Variants in DMD observed in about 807,000 individuals in gnomAD.
DMD encodes the protein mutant dystrophin.
In DMD, 63 loss-of-function variants were observed where a neutral mutation model predicts 330.1. The ratio of observed to expected loss-of-function variants is 0.19; its 90% CI spans 0.16 to 0.24. The LOEUF (loss-of-function observed/expected upper bound fraction) is 0.24. DMD is among the 10% of genes least tolerant of loss of function. The probability of loss-of-function intolerance (pLI) is 1.00; values close to 1 mark genes in which losing one functional copy is unlikely to be tolerated. For synonymous variants in DMD, 1,223 were observed against 959.8 expected (o/e 1.27, Z -5.07); for missense variants, 3,344 against 2,684.1 (o/e 1.25, Z -5.43).
chrX:32,056,341 T>C (rs886840679), intron 44 of DMD, among the ~76,000 whole-genome samples: 1 of 103,530 alleles, frequency 9.7e-6, no homozygotes, highest in Admixed American at 1.0e-4. Context: ...AGCTAAGAGT[T>C]TTTTTAAAAA....
intron 64 of DMD, 28 bp downstream of exon 64, chrX:31,223,019 A>C (rs758709672): frequency 8.5e-7 from 1 of 1,177,154 alleles, no homozygotes; most frequent in Admixed American, 2.2e-5. Context: ...CATAGTATCA[A>C]GATCTTCAAA....
At chrX:32,248,378 GTTAT>G (rs1222140605) in intron 43 of DMD, among the ~76,000 whole-genome samples, 1 of 111,458 alleles carries the variant, frequency 9.0e-6, no homozygotes, top group Non-Finnish European at 1.9e-5. Context: ...AAGTCATATA[GTTAT>G]TTATTTACTT....
chrX:31,957,204 G>C (rs748413743), intron 45 of DMD, among the ~76,000 whole-genome samples: 1 of 111,556 alleles, frequency 9.0e-6, no homozygotes, highest in East Asian at 2.9e-4. Context: ...CCCATTTTGA[G>C]CTGGTTTTCT....
intron 43 of DMD, among the ~76,000 whole-genome samples, chrX:32,281,022 C>T (rs1015370983): frequency 8.9e-6 from 1 of 112,124 alleles, no homozygotes; most frequent in Non-Finnish European, 1.9e-5. Flanking sequence ...TCTCTCCTTT[C>T]GTTTCTTTCA....
intron 53 of DMD, among the ~76,000 whole-genome samples, chrX:31,678,435 C>G (rs1467009140): frequency 8.9e-6 from 1 of 112,126 alleles, no homozygotes. Flanking sequence ...TTCAAACTGA[C>G]TAGTAAATAC....
chrX:31,734,662 G>A (rs1426215985), intron 51 of DMD, among the ~76,000 whole-genome samples: 2 of 111,278 alleles, frequency 1.8e-5, no homozygotes, highest in African/African-American at 6.5e-5. Context: ...GCTAGGTGCA[G>A]GGGCTGTAGC....
chrX:32,844,771 G>T lies in DMD; in HGVS notation c.264+12C>A. Reference sequence around the variant, plus strand: ...GTCACAGCATCCAGACCTTGTCCAGGGTACTACTTACATTATTGTTCTGCA... The same window carrying T: ...GTCACAGCATCCAGACCTTGTCCAGTGTACTACTTACATTATTGTTCTGCA... On this transcript the variant is annotated intron_variant, in intron 4 of 78. Coordinates refer to ENST00000357033, the MANE Select transcript of DMD (RefSeq NM_004006.3). The T allele has an allele frequency of 1.7e-6, 2 of 1,200,525 alleles. No homozygotes were observed. The highest frequency in any genetic ancestry group is 1.8e-5 in the South Asian group (1 of 56,670).
chrX:32,980,380 A>G (rs1289914148), intron 2 of DMD, among the ~76,000 whole-genome samples: 4 of 106,785 alleles, frequency 3.7e-5, no homozygotes, highest in Admixed American at 1.0e-4. Context: ...AAAAAAAAAA[A>G]AAAAAAAAAA....
At chrX:32,090,909 A>G (rs934039018) in intron 44 of DMD, among the ~76,000 whole-genome samples, 2 of 111,525 alleles carry the variant, frequency 1.8e-5, no homozygotes, top group Non-Finnish European at 1.9e-5. Flanking sequence ...AGCTCTGCTC[A>G]TGTGTTTAAT....
At chrX:32,824,566 A>C (rs1369520620) in intron 4 of DMD, among the ~76,000 whole-genome samples, 1 of 111,666 alleles carries the variant, frequency 9.0e-6, no homozygotes, top group East Asian at 2.8e-4. Context: ...AGAAATAGAG[A>C]ACAGAATAGC....
chrX:31,302,309 C>CT (rs1234022481), intron 62 of DMD, among the ~76,000 whole-genome samples: 1 of 111,411 alleles, frequency 9.0e-6, no homozygotes, highest in East Asian at 2.8e-4. Flanking sequence ...GTTGTTGGAA[C>CT]TATCAGACAG....
intron 7 of DMD, among the ~76,000 whole-genome samples, chrX:32,770,587 A>T (rs1196936612): frequency 1.8e-5 from 2 of 111,554 alleles, no homozygotes; most frequent in Non-Finnish European, 3.8e-5. Context: ...TTACTTTATG[A>T]GTTGCATAAA....
chrX:32,993,883 T>C (rs2093045110), intron 2 of DMD, among the ~76,000 whole-genome samples: 2 of 110,982 alleles, frequency 1.8e-5, no homozygotes, highest in African/African-American at 6.6e-5. Context: ...TACAAATGTA[T>C]TTAATATAAA....
intron 7 of DMD, among the ~76,000 whole-genome samples, chrX:32,764,041 A>G (rs1294676309): frequency 2.7e-5 from 3 of 110,986 alleles, no homozygotes; most frequent in African/African-American, 9.8e-5. Context: ...TGTTACTAAT[A>G]TATTTCACAG....
In DMD at chrX:32,589,995, C is replaced by T. The variant is rs747006985; in HGVS notation, c.1602+5762G>A. Among the ~76,000 whole-genome samples, 8 of 111,941 alleles carry T rather than the reference C, an allele frequency of 7.1e-5. No homozygotes were observed. In the East Asian group the frequency reaches 1.1e-3, roughly 16 times the overall value. On this transcript the variant is annotated intron_variant, in intron 13 of 78. Coordinates refer to ENST00000357033, the MANE Select transcript of DMD (RefSeq NM_004006.3). ...CTCACCTTACCAATAAACAGTATCA[C>T]GCAGAGGCTTTGCTAAAAGGTTCAG...
At chrX:32,509,961 TATC>T (rs1463980871) in intron 18 of DMD, among the ~76,000 whole-genome samples, 1 of 111,650 alleles carries the variant, frequency 9.0e-6, no homozygotes, top group African/African-American at 3.3e-5. Flanking sequence ...GAAAGTGAGT[TATC>T]ATGGTGCTCA....
At chrX:31,473,203 C>CAA (rs59143391) in intron 59 of DMD, among the ~76,000 whole-genome samples, 1 of 82,898 alleles carries the variant, frequency 1.2e-5, no homozygotes, top group Admixed American at 1.4e-4. Flanking sequence ...CTAAAAAATC[C>CAA]AAAAAAAAAA....
At chrX:31,515,544 GAA>G (rs72351667) in intron 55 of DMD, among the ~76,000 whole-genome samples, 1 of 111,164 alleles carries the variant, frequency 9.0e-6, no homozygotes, top group Non-Finnish European at 1.9e-5. Context: ...AGCTTGATGG[GAA>G]AAAAAGTGGT....
chrX:32,363,494 G>A (rs759635749), intron 36 of DMD, among the ~76,000 whole-genome samples: 3 of 111,812 alleles, frequency 2.7e-5, no homozygotes, highest in African/African-American at 3.2e-5. Context: ...ACATACAGAG[G>A]TACTGAGGAA....
Sources: gnomAD v4.1 joint callset for allele counts (sites outside exome capture counted in the v4.1 genomes callset) on GRCh38, gnomAD v4.1.1 for gene constraint, MANE v1.5 for transcripts, NCBI Gene and HGNC (gene_info 2026-07-23, HGNC 2026-07-21) for gene names.